UCK1: variants seen among roughly 807,000 people sequenced by gnomAD.
UCK1 encodes the protein uridine-cytidine kinase 1, also known as cytidine monophosphokinase 1.
A neutral mutation model predicts 34.0 loss-of-function variants in UCK1; 20 were observed. The observed-to-expected ratio is 0.59, with a 90% CI of 0.41 to 0.86. The LOEUF (loss-of-function observed/expected upper bound fraction) is 0.86. Ranked by LOEUF, UCK1 falls within the 40% of genes least tolerant of loss-of-function variation. UCK1 has a pLI of 0.00. For synonymous variants in UCK1, 168 were observed against 155.9 expected (o/e 1.08, Z -0.58); for missense variants, 343 against 383.6 (o/e 0.89, Z 0.88).
chr9:131,525,302 GGAGT>G, intron 6 of UCK1, 81 bp from the exon 7 acceptor site: 1 of 1,576,090 alleles, frequency 6.3e-7, no homozygotes, highest in Non-Finnish European at 8.7e-7. Context: ...CACTCGGCCA[GGAGT>G]GAGCGCCCAA....
At position 131,523,875 on chromosome 9, in the gene UCK1, C is replaced by G. The variant is rs1274928568; in HGVS notation, c.*1165G>C. On this transcript the variant is annotated 3_prime_UTR_variant, in exon 7 of 7. Coordinates refer to ENST00000372215, the MANE Select transcript of UCK1 (RefSeq NM_031432.5). ...AGCTCGACAAAACCGTTACAGTTGTCAGAACCCAGCCACAGGGCTCAGCCC... is the reference window on the plus strand; with the variant it reads ...AGCTCGACAAAACCGTTACAGTTGTGAGAACCCAGCCACAGGGCTCAGCCC... The G allele has an allele frequency of 6.6e-6, 1 of 152,418 alleles. No homozygotes were observed. Among genetic ancestry groups the G allele is most frequent in the African/African-American group, 2.4e-5 (1 of 41,470 alleles). The allele number at this position is 152,418 out of a possible 1,614,324, so 9.4% of individuals were successfully genotyped here. A position where few individuals can be genotyped will look rare whatever the true frequency, so the allele number is the denominator to read the frequency against.
intron 1 of UCK1, 149 bp from the exon 2 acceptor site, chr9:131,530,794 A>C (rs1050155825): frequency 4.9e-6 from 7 of 1,434,934 alleles, no homozygotes; most frequent in South Asian, 1.2e-5. Flanking sequence ...GTCTCAGCGG[A>C]AGGGCCGCGG....
At chr9:131,526,272 C>G (rs1330060825) in intron 5 of UCK1, 9 of 699,330 alleles carry the variant, frequency 1.3e-5, no homozygotes, top group Non-Finnish European at 2.1e-5. Context: ...TTACAGGAGA[C>G]AGCTGGCTAC....
In UCK1 at chr9:131,528,232, C is replaced by T. The variant is rs114539946; in HGVS notation, c.603+712G>A. On this transcript the variant is annotated intron_variant, in intron 5 of 6. Transcript: ENST00000372215. ...GTCCTACATTATCAAAGGCAGGAATCTTGGTTTCAGTTCCTTTGTGCTGTA... is the reference window on the plus strand; with the variant it reads ...GTCCTACATTATCAAAGGCAGGAATTTTGGTTTCAGTTCCTTTGTGCTGTA... 2.4e-3 allele frequency among the ~76,000 whole-genome samples: 361 copies of T among 151,662 alleles called. 1 individual carries two copies. Among genetic ancestry groups the T allele is most frequent in the African/African-American group, 8.4e-3 (346 of 41,404 alleles).
chr9:131,529,212 C>T lies in UCK1; in HGVS notation c.424G>A (p.Val142Met). 1 of 1,614,190 alleles carries T rather than the reference C, an allele frequency of 6.2e-7. No homozygotes were observed. Reference sequence around the variant, plus strand: ...TCCCGGATCTCCTGGCTGTAGAACACCAAGATGCCCTCAAACAGAACCACG... The same window carrying T: ...TCCCGGATCTCCTGGCTGTAGAACATCAAGATGCCCTCAAACAGAACCACG... Reference protein sequence around the residue: ...ADVVLFEGILVFYSQEIRDMF... With the variant: ...ADVVLFEGILMFYSQEIRDMF... Residue 142 changes from valine (V) to methionine (M), a missense_variant, in exon 4 of 7, where the codon GTG becomes ATG. By Grantham distance (21) the Val-to-Met change is conservative (BLOSUM62 1). Transcript: ENST00000372215.
At chr9:131,529,661 G>A in intron 2 of UCK1, 77 bp from the exon 3 acceptor site, 1 of 1,365,852 alleles carries the variant, frequency 7.3e-7, no homozygotes, top group South Asian at 1.2e-5. Flanking sequence ...TCTGCTCTGG[G>A]GTCAGCACAG....
At chr9:131,528,548 C>A (rs564224596) in intron 5 of UCK1, among the ~76,000 whole-genome samples, 1 of 152,250 alleles carries the variant, frequency 6.6e-6, no homozygotes, top group Non-Finnish European at 1.5e-5. Flanking sequence ...CTAAAGTGCT[C>A]CTGGGCTTCC....
At chr9:131,530,825 G>A (rs369363899) in intron 1 of UCK1, 180 bp from the exon 2 acceptor site, 14,530 of 1,186,098 alleles carry the variant, frequency 0.012, 107 homozygotes, top group Non-Finnish European at 0.015. Flanking sequence ...GGGTTAGCAC[G>A]GACTTGGGGC....
In UCK1 at chr9:131,523,868, C is replaced by T. The variant is rs1023158931; in HGVS notation, c.*1172G>A. On this transcript the variant is annotated 3_prime_UTR_variant, in exon 7 of 7. Transcript: ENST00000372215. ...GGGCCTAAGCTCGACAAAACCGTTA[C>T]AGTTGTCAGAACCCAGCCACAGGGC... is the stretch of plus-strand genomic sequence containing the variant. The T allele has an allele frequency of 6.6e-6, 1 of 152,316 alleles. No homozygotes were observed. Among genetic ancestry groups the T allele is most frequent in the African/African-American group, 2.4e-5 (1 of 41,342 alleles). 9.4% of individuals were successfully genotyped at this position (152,316 alleles called of 1,614,324 possible). A position where few individuals can be genotyped will look rare whatever the true frequency, so the allele number is the denominator to read the frequency against.
intron 6 of UCK1, among the ~76,000 whole-genome samples, chr9:131,525,704 C>T (rs980722435): frequency 6.6e-6 from 1 of 152,160 alleles, no homozygotes. Context: ...AACTCCTGGG[C>T]TCCAGTGATC....
rs1470151071 is a variant in UCK1, at chr9:131,530,458, T to A, written c.268+28A>T. The A allele has an allele frequency of 2.5e-6, 4 of 1,612,134 alleles. No individual in the cohort carries two copies. The Middle Eastern group carries it at 5.0e-4, about 202-fold the overall frequency. On this transcript the variant is annotated intron_variant, in intron 2 of 6. Transcript: ENST00000372215. ...CGGCCGCCCAGAATGGGGTCTGCCC[T>A]CCCCACATCGTTGGGCTCGCGATTT...
At chr9:131,526,430 C>A in intron 5 of UCK1, 1 of 1,292,038 alleles carries the variant, frequency 7.7e-7, no homozygotes. Context: ...GGCAGAGACG[C>A]TGATGGTAAC....
In UCK1 at chr9:131,529,022, G is replaced by A. The variant is rs748843437; in HGVS notation, c.525C>T (p.Arg175=). 3.1e-6 allele frequency: 5 copies of A among 1,614,058 alleles called. No individual in the cohort carries two copies. Among genetic ancestry groups the A allele is most frequent in the Non-Finnish European group, 4.2e-6 (5 of 1,180,012 alleles). ...GAATCTGCTCCAGGTCCCTCCCTCG[G>A]CGCACGTCCCGGAGAACTGCAGCGG... The part of the protein sequence containing the change: ...RLSRRVLRDV[R]RGRDLEQILT... The change falls in exon 5 of 7, where the codon CGC becomes CGT. Residue 175 remains arginine (R), a synonymous_variant. Coordinates refer to ENST00000372215, the MANE Select transcript of UCK1 (RefSeq NM_031432.5).
intron 2 of UCK1, among the ~76,000 whole-genome samples, 200 bp from the exon 3 acceptor site, chr9:131,529,784 C>T (rs1950759638): frequency 6.6e-6 from 1 of 152,108 alleles, no homozygotes; most frequent in Non-Finnish European, 1.5e-5. Context: ...ATGACCCTGT[C>T]CTTGCTGTTC....
chr9:131,524,900 T>A lies in UCK1; in HGVS notation c.*140A>T. Reference sequence around the variant, plus strand: ...CTGAGTGACACATCTGAGTTTCCACTCCTGAGTGAGGAAGGCCTCGCTGCT... The same window carrying A: ...CTGAGTGACACATCTGAGTTTCCACACCTGAGTGAGGAAGGCCTCGCTGCT... On this transcript the variant is annotated 3_prime_UTR_variant, in exon 7 of 7. Coordinates refer to ENST00000372215, the MANE Select transcript of UCK1 (RefSeq NM_031432.5). The A allele has an allele frequency of 9.8e-7, 1 of 1,018,470 alleles. No homozygotes were observed. The highest frequency in any genetic ancestry group is 1.4e-6 in the Non-Finnish European group (1 of 719,912). 63.1% of individuals were successfully genotyped at this position (1,018,470 alleles called of 1,614,324 possible). A position where few individuals can be genotyped will look rare whatever the true frequency, so the allele number is the denominator to read the frequency against.
chr9:131,526,093 T>C, intron 5 of UCK1, 116 bp from the exon 6 acceptor site: 2 of 1,210,076 alleles, frequency 1.7e-6, no homozygotes, highest in Non-Finnish European at 2.4e-6. Context: ...TCAGAGGTGC[T>C]GGTGTCATCG....
chr9:131,527,548 C>T (rs1449802434), intron 5 of UCK1, among the ~76,000 whole-genome samples: 3 of 151,800 alleles, frequency 2.0e-5, no homozygotes, highest in Non-Finnish European at 4.4e-5. Flanking sequence ...TTTCAGACAG[C>T]ATGAATGCAA....
chr9:131,526,952 G>A (rs1256621210), intron 5 of UCK1, among the ~76,000 whole-genome samples: 2 of 152,164 alleles, frequency 1.3e-5, no homozygotes, highest in African/African-American at 4.8e-5. Flanking sequence ...AAATACCTAC[G>A]GGGTCCAGGC....
At chr9:131,526,370 A>G in intron 5 of UCK1, 1 of 1,244,690 alleles carries the variant, frequency 8.0e-7, no homozygotes, top group Non-Finnish European at 1.1e-6. Flanking sequence ...AGCTTCTGCA[A>G]ATACCCTGGC....
Sources: allele counts gnomAD v4.1 joint callset (sites outside exome capture counted in the v4.1 genomes callset), GRCh38; gene constraint gnomAD v4.1.1; transcripts MANE v1.5; gene names NCBI Gene and HGNC (gene_info 2026-07-23, HGNC 2026-07-21).